The following MSI2 variants were observed in gnomAD, a reference collection of about 807,000 sequenced individuals.
The protein encoded by MSI2 is RNA-binding protein Musashi homolog 2.
Under a neutral mutation model 45.6 loss-of-function variants are expected in MSI2, and 17 were observed. The ratio of observed to expected loss-of-function variants is 0.37; its 90% CI spans 0.26 to 0.56. The LOEUF (loss-of-function observed/expected upper bound fraction) is 0.56, where lower values mean the gene tolerates loss of function less well. MSI2 is among the 20% of genes least tolerant of loss of function. The pLI is 0.77. For missense variants in MSI2, 293 were observed against 444.2 expected, an observed-to-expected ratio of 0.66 and a Z score of 3.06; for synonymous variants, 156 against 158.2, an observed-to-expected ratio of 0.99 and a Z score of 0.11.
intron 11 of MSI2, among the ~76,000 whole-genome samples, chr17:57,658,321 T>TA (rs754411109): frequency 7.9e-5 from 12 of 152,210 alleles, no homozygotes; most frequent in Non-Finnish European, 1.5e-4. Flanking sequence ...CAACCAGACT[T>TA]ACCAAAGGAT....
intron 5 of MSI2, among the ~76,000 whole-genome samples, chr17:57,307,099 C>T (rs900852015): frequency 6.6e-6 from 1 of 152,202 alleles, no homozygotes; most frequent in Non-Finnish European, 1.5e-5. Context: ...TTTCCTAAAT[C>T]CTTAGGAGTT....
At chr17:57,372,680 C>T (rs2083437747) in intron 5 of MSI2, among the ~76,000 whole-genome samples, 1 of 152,062 alleles carries the variant, frequency 6.6e-6, no homozygotes, top group Non-Finnish European at 1.5e-5. Context: ...GATACAGAAA[C>T]CAATAGTAGT....
At chr17:57,547,877 T>C (rs1382018573) in intron 7 of MSI2, among the ~76,000 whole-genome samples, 3 of 152,066 alleles carry the variant, frequency 2.0e-5, no homozygotes, top group Non-Finnish European at 4.4e-5. Flanking sequence ...TCTGAGTAGA[T>C]TTTATCATCA....
At chr17:57,664,593 G>T (rs1425124269) in intron 11 of MSI2, among the ~76,000 whole-genome samples, 1 of 152,184 alleles carries the variant, frequency 6.6e-6, no homozygotes, top group Non-Finnish European at 1.5e-5. Context: ...CAGGTGATAG[G>T]AAACTTCGTG....
chr17:57,608,565 G>T (rs903679802), intron 8 of MSI2, among the ~76,000 whole-genome samples: 1 of 152,254 alleles, frequency 6.6e-6, no homozygotes, highest in African/African-American at 2.4e-5. Flanking sequence ...AGCTTCCTGG[G>T]TGTAAGGCCT....
intron 5 of MSI2, among the ~76,000 whole-genome samples, chr17:57,360,650 T>C (rs964964645): frequency 6.6e-6 from 1 of 152,268 alleles, no homozygotes; most frequent in Admixed American, 6.5e-5. Context: ...CATGGAGTGA[T>C]TCTTCTACAG....
Position 57,652,866 on chromosome 17 carries a change from A to G in MSI2, c.790+705A>G, listed in dbSNP as rs184486599. On this transcript the variant is annotated intron_variant, in intron 11 of 13. Coordinates refer to ENST00000284073, the MANE Select transcript of MSI2 (RefSeq NM_138962.4). The surrounding 1 kb of genome is among the most constrained non-coding windows in gnomAD (Gnocchi z 4.1). ...CCCAGCATTATCATGGGGTCAGGCC[A>G]GAGCTGGGATATGTCCAGGGTGCCC... 0.011 allele frequency among the ~76,000 whole-genome samples: 1,639 copies of G among 152,328 alleles called. 25 individuals carry two copies. Among genetic ancestry groups the G allele is most frequent in the African/African-American group, 0.035 (1,467 of 41,570 alleles).
At chr17:57,385,239 A>G (rs2144046336) in intron 5 of MSI2, among the ~76,000 whole-genome samples, 1 of 152,304 alleles carries the variant, frequency 6.6e-6, no homozygotes, top group Non-Finnish European at 1.5e-5. Context: ...TGTCTACAGG[A>G]TGAAGTCCAG....
chr17:57,606,019 C>T (rs1906533180), intron 8 of MSI2, among the ~76,000 whole-genome samples: 1 of 152,212 alleles, frequency 6.6e-6, no homozygotes, highest in South Asian at 2.1e-4. Flanking sequence ...CAGCTTTTTC[C>T]CCAAATAGTG....
intron 6 of MSI2, among the ~76,000 whole-genome samples, chr17:57,499,393 A>AAG (rs1555614130): frequency 6.7e-6 from 1 of 150,142 alleles, no homozygotes; most frequent in African/African-American, 2.4e-5. Context: ...AAAAAAAAAA[A>AAG]GGGCAGCTAA....
chr17:57,538,505 G>A (rs1253326392), intron 7 of MSI2, among the ~76,000 whole-genome samples: 2 of 152,138 alleles, frequency 1.3e-5, no homozygotes, highest in African/African-American at 2.4e-5. Context: ...TTACTCCCTT[G>A]TGAAGGTAAC....
intron 10 of MSI2, among the ~76,000 whole-genome samples, chr17:57,644,315 T>A (rs767766925): frequency 6.7e-6 from 1 of 150,242 alleles, no homozygotes; most frequent in East Asian, 2.0e-4. Flanking sequence ...CAATTGTTCC[T>A]CCTCTTTGCA....
At chr17:57,582,747 T>G (rs1432318509) in intron 7 of MSI2, among the ~76,000 whole-genome samples, 1 of 152,222 alleles carries the variant, frequency 6.6e-6, no homozygotes, top group Non-Finnish European at 1.5e-5. Context: ...CAGTTTTTCA[T>G]GCAAACTAAT....
At chr17:57,560,291 A>AG (rs2087541911) in intron 7 of MSI2, among the ~76,000 whole-genome samples, 1 of 151,842 alleles carries the variant, frequency 6.6e-6, no homozygotes, top group African/African-American at 2.4e-5. Context: ...GGGGTGGTGG[A>AG]GGGGGAGAGT....
Position 57,529,570 on chromosome 17 carries a change from T to C in MSI2, c.406-106T>C. On this transcript the variant is annotated intron_variant, in intron 6 of 13. Coordinates refer to ENST00000284073, the MANE Select transcript of MSI2 (RefSeq NM_138962.4). This position sits in a 1 kb window ranked among gnomAD's most constrained non-coding sequence, Gnocchi z 5.3. ...CAAATATTTTTTGATAAGCAACTAT[T>C]ACTTCTGTAATGGAAACTACCCCCT... 1 of 964,328 alleles carries C rather than the reference T, an allele frequency of 1.0e-6. No homozygotes were observed. The highest frequency in any genetic ancestry group is 1.5e-5 in the South Asian group (1 of 68,246). 59.7% of individuals were successfully genotyped at this position (964,328 alleles called of 1,614,324 possible).
chr17:57,602,594 A>G (rs771692805), intron 8 of MSI2, among the ~76,000 whole-genome samples: 2 of 152,054 alleles, frequency 1.3e-5, no homozygotes, highest in African/African-American at 2.4e-5. Context: ...GTCTCAAGTG[A>G]TCCCCTTGCC....
At chr17:57,697,736 G>T in the MSI2 span, among the ~76,000 whole-genome samples, 1 of 151,880 alleles carries the variant, frequency 6.6e-6, no homozygotes, top group East Asian at 1.9e-4. Flanking sequence ...AGCAAAAGGG[G>T]TTTCCCTTAT....
the MSI2 span, among the ~76,000 whole-genome samples, chr17:57,689,879 G>A: frequency 2.6e-5 from 4 of 152,022 alleles, no homozygotes; most frequent in African/African-American, 7.3e-5. Flanking sequence ...TTGCTGAGTT[G>A]GTTTTCCATT....
intron 6 of MSI2, among the ~76,000 whole-genome samples, chr17:57,451,275 TGG>T (rs1273268323): frequency 6.6e-6 from 1 of 152,126 alleles, no homozygotes; most frequent in Non-Finnish European, 1.5e-5. Context: ...TGTGACGATG[TGG>T]GTGCGTGCAT....
Sources: allele counts gnomAD v4.1 joint callset (sites outside exome capture counted in the v4.1 genomes callset), GRCh38; gene constraint gnomAD v4.1.1; non-coding constraint Gnocchi (gnomAD v3.1); transcripts MANE v1.5; gene names NCBI Gene and HGNC (gene_info 2026-07-23, HGNC 2026-07-21).